The following KCNB2 variants were observed in gnomAD, a reference collection of about 807,000 sequenced individuals.
The protein encoded by KCNB2 is delayed rectifier potassium channel protein.
In KCNB2, 15 loss-of-function variants were observed where a neutral mutation model predicts 61.5. The ratio of observed to expected loss-of-function variants is 0.24; its 90% confidence interval spans 0.16 to 0.38. The LOEUF (loss-of-function observed/expected upper bound fraction) is 0.38. Ranked by LOEUF, KCNB2 falls within the 10% of genes least tolerant of loss-of-function variation. The probability of loss-of-function intolerance (pLI) is 1.00; values close to 1 mark genes in which losing one functional copy is unlikely to be tolerated. For missense variants in KCNB2, 828 were observed against 1,125.2 expected, an observed-to-expected ratio of 0.74 and a Z score of 3.78; for synonymous variants, 457 against 446.0, an observed-to-expected ratio of 1.02 and a Z score of -0.31.
chr8:72,725,031 T>C (rs1414586537), intron 2 of KCNB2, among the ~76,000 whole-genome samples: 5 of 152,186 alleles, frequency 3.3e-5, no homozygotes, highest in Admixed American at 3.3e-4. Flanking sequence ...TAAGGTTTAG[T>C]TCTCTTTACA....
At chr8:72,634,428 C>T (rs1196078413) in intron 2 of KCNB2, among the ~76,000 whole-genome samples, 1 of 152,144 alleles carries the variant, frequency 6.6e-6, no homozygotes, top group South Asian at 2.1e-4. Flanking sequence ...AACCACTTCC[C>T]AGATGACGCA....
At position 72,595,998 on chromosome 8, in the gene KCNB2, A is replaced by G. The variant is rs1010029755; in HGVS notation, c.579+27685A>G. On this transcript the variant is annotated intron_variant, in intron 2 of 2. Transcript: ENST00000523207. ...AGCTTCCTGACTCCTGGTCTCAAGAACAAGCAATATGTCTACCATGTTCAC... is the reference window on the plus strand; with the variant it reads ...AGCTTCCTGACTCCTGGTCTCAAGAGCAAGCAATATGTCTACCATGTTCAC... Among the ~76,000 whole-genome samples, 3 of 152,242 alleles carry G rather than the reference A, an allele frequency of 2.0e-5. No individual in the cohort carries two copies. The South Asian group carries it at 6.2e-4, about 32-fold the overall frequency.
At chr8:72,550,500 G>A (rs1806330781) in intron 1 of KCNB2, among the ~76,000 whole-genome samples, 1 of 152,180 alleles carries the variant, frequency 6.6e-6, no homozygotes, top group Non-Finnish European at 1.5e-5. Context: ...CCAAACAATT[G>A]ATAATTCTTT....
At position 72,656,234 on chromosome 8, in the gene KCNB2, A is replaced by C. The variant is rs1422366512; in HGVS notation, c.579+87921A>C. Among the ~76,000 whole-genome samples the C allele has an allele frequency of 2.0e-5, 3 of 152,282 alleles. No homozygotes were observed. The East Asian group carries it at 5.8e-4, about 29-fold the overall frequency. ...TTTCAATGATATTTTCCAAATGAAG[A>C]AGTGTACAAATCAAGGCAAAAGATT... is the stretch of plus-strand genomic sequence containing the variant. On this transcript the variant is annotated intron_variant, in intron 2 of 2. Coordinates refer to ENST00000523207, the MANE Select transcript of KCNB2 (RefSeq NM_004770.3).
At chr8:72,608,956 A>T (rs1345158833) in intron 2 of KCNB2, among the ~76,000 whole-genome samples, 2 of 152,230 alleles carry the variant, frequency 1.3e-5, no homozygotes, top group Non-Finnish European at 2.9e-5. Context: ...TTTACTTGAT[A>T]ACAATTTAGT....
At chr8:72,556,802 C>G (rs1253456768) in intron 1 of KCNB2, among the ~76,000 whole-genome samples, 1 of 152,136 alleles carries the variant, frequency 6.6e-6, no homozygotes, top group African/African-American at 2.4e-5. Flanking sequence ...TGCTTTGAGG[C>G]TGATGGTATG....
chr8:72,698,893 C>T (rs1342019610), intron 2 of KCNB2, among the ~76,000 whole-genome samples: 1 of 152,062 alleles, frequency 6.6e-6, no homozygotes, highest in Non-Finnish European at 1.5e-5. Context: ...AAATGTAAGA[C>T]CGCAAACTAT....
At chr8:72,760,645 G>T (rs1030580625) in intron 2 of KCNB2, among the ~76,000 whole-genome samples, 12 of 152,146 alleles carry the variant, frequency 7.9e-5, no homozygotes, top group Non-Finnish European at 1.6e-4. Flanking sequence ...TTGTATGAAG[G>T]TAAATCAGAT....
chr8:72,930,718 T>C (rs1410644417), intron 2 of KCNB2, among the ~76,000 whole-genome samples: 2 of 152,230 alleles, frequency 1.3e-5, no homozygotes, highest in Non-Finnish European at 2.9e-5. Context: ...GATGAGTAGA[T>C]TGCAAAAATT....
intron 2 of KCNB2, among the ~76,000 whole-genome samples, chr8:72,752,692 T>C (rs1808212831): frequency 6.6e-6 from 1 of 152,212 alleles, no homozygotes; most frequent in Non-Finnish European, 1.5e-5. Flanking sequence ...CATAATCACA[T>C]GAGCTAATTT....
At chr8:72,831,266 T>C (rs1809689540) in intron 2 of KCNB2, among the ~76,000 whole-genome samples, 1 of 152,246 alleles carries the variant, frequency 6.6e-6, no homozygotes, top group African/African-American at 2.4e-5. Context: ...GTATTATAAT[T>C]ATGTTATTTA....
intron 2 of KCNB2, among the ~76,000 whole-genome samples, chr8:72,738,616 C>G (rs1039701711): frequency 6.6e-6 from 1 of 152,154 alleles, no homozygotes; most frequent in Non-Finnish European, 1.5e-5. Flanking sequence ...CCTTGATGCC[C>G]TCTGCCAATC....
chr8:72,745,439 C>T (rs1043475774), intron 2 of KCNB2, among the ~76,000 whole-genome samples: 1 of 152,064 alleles, frequency 6.6e-6, no homozygotes, highest in Non-Finnish European at 1.5e-5. Flanking sequence ...TTCCTACTAC[C>T]CTTGTAGGTT....
intron 2 of KCNB2, among the ~76,000 whole-genome samples, chr8:72,883,103 G>A (rs1252992985): frequency 6.6e-6 from 1 of 152,184 alleles, no homozygotes; most frequent in Non-Finnish European, 1.5e-5. Flanking sequence ...TGCGAAGCCA[G>A]GTTCCCAGTC....
At chr8:72,906,304 A>G (rs973955640) in intron 2 of KCNB2, among the ~76,000 whole-genome samples, 1 of 152,210 alleles carries the variant, frequency 6.6e-6, no homozygotes, top group Non-Finnish European at 1.5e-5. Flanking sequence ...TAAGAAGCCA[A>G]TGAATCTTTT....
intron 2 of KCNB2, among the ~76,000 whole-genome samples, chr8:72,775,271 C>A (rs1404125309): frequency 1.3e-5 from 2 of 152,080 alleles, no homozygotes; most frequent in African/African-American, 2.4e-5. Flanking sequence ...GGTGGTGGAC[C>A]CCAAAGAGAA....
intron 2 of KCNB2, among the ~76,000 whole-genome samples, chr8:72,847,722 TA>T (rs201262571): frequency 0.016 from 2,359 of 151,630 alleles, 54 homozygotes; most frequent in African/African-American, 0.054. Flanking sequence ...ATGCAAAAAA[TA>T]AAAAAAACAG....
At chr8:72,558,288 T>C (rs925986583) in intron 1 of KCNB2, among the ~76,000 whole-genome samples, 2 of 152,222 alleles carry the variant, frequency 1.3e-5, no homozygotes, top group African/African-American at 4.8e-5. Context: ...GAATGTAAGC[T>C]GCACCATGTC....
intron 2 of KCNB2, among the ~76,000 whole-genome samples, chr8:72,851,891 G>T (rs924876186): frequency 1.5e-5 from 2 of 136,838 alleles, no homozygotes; most frequent in Non-Finnish European, 3.1e-5. Flanking sequence ...TGTCATTACA[G>T]GTTCCTGATT....
Sources: allele counts gnomAD v4.1 joint callset (sites outside exome capture counted in the v4.1 genomes callset), GRCh38; gene constraint gnomAD v4.1.1; transcripts MANE v1.5; gene names NCBI Gene and HGNC (gene_info 2026-07-23, HGNC 2026-07-21).